Variants in AK9 observed in about 807,000 individuals in gnomAD.
AK9 encodes adenylate kinase domain containing 1.
Under a neutral mutation model 239.6 loss-of-function variants are expected in AK9, and 191 were observed. The ratio of observed to expected loss-of-function variants is 0.80; its 90% CI spans 0.71 to 0.90. The LOEUF (loss-of-function observed/expected upper bound fraction) is 0.90. AK9 is among the 40% of genes least tolerant of loss of function. The pLI, the probability that AK9 is intolerant of heterozygous loss-of-function variation, is 0.00. For synonymous variants in AK9, 689 were observed against 721.0 expected (o/e 0.96, Z 0.71); for missense variants, 1,995 against 2,214.7 (o/e 0.90, Z 1.99).
At chr6:109,539,257 G>A (rs1380535458) in intron 27 of AK9, among the ~76,000 whole-genome samples, 1 of 152,050 alleles carries the variant, frequency 6.6e-6, no homozygotes, top group South Asian at 2.1e-4. Context: ...ACGTAGATTT[G>A]GTCTTTTCAC....
chr6:109,553,338 T>A (rs1784581958), intron 24 of AK9, among the ~76,000 whole-genome samples: 2 of 152,204 alleles, frequency 1.3e-5, no homozygotes, highest in Non-Finnish European at 2.9e-5. Context: ...TCCATGAGGA[T>A]GGAAAGTTTT....
At chr6:109,557,012 G>A (rs572928283) in intron 24 of AK9, among the ~76,000 whole-genome samples, 1 of 152,068 alleles carries the variant, frequency 6.6e-6, no homozygotes, top group East Asian at 1.9e-4. Context: ...CCTCCATCCA[G>A]TTCTGTGCCC....
intron 26 of AK9, among the ~76,000 whole-genome samples, chr6:109,542,490 C>T (rs1783027827): frequency 6.6e-6 from 1 of 152,186 alleles, no homozygotes; most frequent in African/African-American, 2.4e-5. Context: ...CAACACATAG[C>T]AATGATAAGT....
intron 27 of AK9, among the ~76,000 whole-genome samples, chr6:109,541,764 A>C (rs553012384): frequency 1.3e-5 from 2 of 152,254 alleles, no homozygotes; most frequent in Non-Finnish European, 2.9e-5. Flanking sequence ...AGGTTTTTAC[A>C]GTTTTACCAC....
chr6:109,653,450 G>C (rs1266815770), intron 8 of AK9, among the ~76,000 whole-genome samples: 1 of 152,120 alleles, frequency 6.6e-6, no homozygotes, highest in Admixed American at 6.5e-5. Context: ...ATGCATCTCT[G>C]TAAACTGCCT....
At chr6:109,621,910 AAACAAAAAAAAAAC>A (rs1794879092) in intron 12 of AK9, among the ~76,000 whole-genome samples, 1 of 40,056 alleles carries the variant, frequency 2.5e-5, no homozygotes, top group Non-Finnish European at 6.6e-5. Context: ...AAAAAAAAAA[AAACAAAAAAAAAAC>A]AGAAAGAGAA....
At chr6:109,638,899 G>A (rs1406483690) in intron 10 of AK9, among the ~76,000 whole-genome samples, 1 of 152,110 alleles carries the variant, frequency 6.6e-6, no homozygotes. Context: ...AGAACATGCA[G>A]TGTTTGGTTT....
intron 35 of AK9, among the ~76,000 whole-genome samples, chr6:109,503,088 T>C (rs780165331): frequency 1.5e-4 from 23 of 152,054 alleles, no homozygotes; most frequent in Admixed American, 5.9e-4. Context: ...ATGAAAAGGC[T>C]AAGAAGTTCC....
chr6:109,541,963 A>G (rs1782953350), intron 27 of AK9, 84 bp downstream of exon 27: 1 of 1,198,894 alleles, frequency 8.3e-7, no homozygotes, highest in Admixed American at 3.1e-5. Context: ...AAGTTCTTAA[A>G]TGTATGTTAA....
At chr6:109,493,912 C>T (rs1776776897) in intron 40 of AK9, 69 bp downstream of exon 40, 2 of 1,190,950 alleles carry the variant, frequency 1.7e-6, no homozygotes, top group Non-Finnish European at 2.4e-6. Context: ...TTTAACAATC[C>T]TATTCATCAC....
intron 31 of AK9, among the ~76,000 whole-genome samples, chr6:109,515,523 G>A (rs1313443324): frequency 2.0e-5 from 3 of 152,164 alleles, no homozygotes; most frequent in Non-Finnish European, 4.4e-5. Context: ...CTCCCTGAGA[G>A]CTACCTCAAG....
chr6:109,514,108 G>A lies in AK9; in HGVS notation c.4279+116C>T, dbSNP rs539899219. The A allele has an allele frequency of 1.1e-3, 1,084 of 984,856 alleles. 2 individuals are homozygous for A. Among genetic ancestry groups the A allele is most frequent in the Non-Finnish European group, 1.2e-3 (831 of 674,498 alleles). 61.0% of individuals were successfully genotyped at this position (984,856 alleles called of 1,614,324 possible). A position where few individuals can be genotyped will look rare whatever the true frequency, so the allele number is the denominator to read the frequency against. On this transcript the variant is annotated intron_variant, in intron 32 of 40. Coordinates refer to ENST00000424296, the MANE Select transcript of AK9 (RefSeq NM_001145128.3). ...CTGTCTCCTCACTCAGCCACCCTACGATTAAATGTCTTTTTCTGCTGCAAC... is the reference window on the plus strand; with the variant it reads ...CTGTCTCCTCACTCAGCCACCCTACAATTAAATGTCTTTTTCTGCTGCAAC...
At chr6:109,558,797 C>T (rs117283053) in intron 24 of AK9, among the ~76,000 whole-genome samples, 1,753 of 151,894 alleles carry the variant, frequency 0.012, 15 homozygotes, top group Non-Finnish European at 0.019. Context: ...TATATGGAAT[C>T]TGTAGATAAA....
intron 9 of AK9, among the ~76,000 whole-genome samples, chr6:109,643,449 C>T (rs182236474): frequency 6.6e-6 from 1 of 152,322 alleles, no homozygotes; most frequent in African/African-American, 2.4e-5. Flanking sequence ...CTTTTCTGTC[C>T]ATTCCTGTGT....
Position 109,579,292 on chromosome 6 carries a change from G to T in AK9, c.2191+258C>A, listed in dbSNP as rs868131283. Reference sequence around the variant, plus strand: ...TTCTGCTGTGTATCACTTGCAGAGGGTGTATGAGTAGGTATCTCTGTCAAG... The same window carrying T: ...TTCTGCTGTGTATCACTTGCAGAGGTTGTATGAGTAGGTATCTCTGTCAAG... On this transcript the variant is annotated intron_variant, in intron 20 of 40. Coordinates refer to ENST00000424296, the MANE Select transcript of AK9 (RefSeq NM_001145128.3). The T allele has an allele frequency of 1.6e-5, 6 of 372,204 alleles. 1 individual carries two copies. Among genetic ancestry groups the T allele is most frequent in the Middle Eastern group, 1.5e-3 (2 of 1,372 alleles). The allele number at this position is 372,204 out of a possible 1,614,324, so 23.1% of individuals were successfully genotyped here.
chr6:109,506,841 T>A, intron 33 of AK9, 41 bp from the exon 34 acceptor site: 2 of 1,453,268 alleles, frequency 1.4e-6, no homozygotes, highest in South Asian at 3.0e-5. Flanking sequence ...CCACATTTCT[T>A]TTTCTCTCGT....
chr6:109,519,091 C>T (rs149993726), intron 29 of AK9, among the ~76,000 whole-genome samples: 1 of 152,236 alleles, frequency 6.6e-6, no homozygotes, highest in African/African-American at 2.4e-5. Flanking sequence ...TGTTAATTTG[C>T]TCAGGATAAT....
chr6:109,647,848 T>C (rs1179209869), intron 8 of AK9, among the ~76,000 whole-genome samples: 1 of 152,030 alleles, frequency 6.6e-6, no homozygotes, highest in Non-Finnish European at 1.5e-5. Context: ...AGTAAAGAAC[T>C]CCTCAGCAAA....
chr6:109,560,268 T>C (rs1371563306), intron 24 of AK9, among the ~76,000 whole-genome samples: 3 of 152,260 alleles, frequency 2.0e-5, no homozygotes, highest in African/African-American at 7.2e-5. Flanking sequence ...TGCCTTTTAT[T>C]TCTTTTCCTT....
Sources: gnomAD v4.1 joint callset for allele counts (sites outside exome capture counted in the v4.1 genomes callset) on GRCh38, gnomAD v4.1.1 for gene constraint, MANE v1.5 for transcripts, NCBI Gene and HGNC (gene_info 2026-07-23, HGNC 2026-07-21) for gene names.